The following HEATR5A variants were observed in gnomAD, a reference collection of about 807,000 sequenced individuals.
The protein encoded by HEATR5A is HEAT repeat-containing protein 5A.
HEATR5A carries 178 observed loss-of-function variants against 218.8 expected under a neutral mutation model. The observed-to-expected ratio is 0.81, with a 90% CI of 0.72 to 0.92. HEATR5A has a LOEUF of 0.92. HEATR5A is among the 40% of genes least tolerant of loss of function. The pLI is 0.00. For synonymous variants in HEATR5A, 864 were observed against 871.6 expected, an observed-to-expected ratio of 0.99 and a Z score of 0.15; for missense variants, 2,420 against 2,418.9, an observed-to-expected ratio of 1.00 and a Z score of -0.01.
chr14:31,313,132 G>T lies in HEATR5A; in HGVS notation c.4277C>A (p.Thr1426Asn), dbSNP rs1461661982. The T allele has an allele frequency of 6.2e-7, 1 of 1,613,826 alleles. No homozygotes were observed. Among genetic ancestry groups the T allele is most frequent in the East Asian group, 2.2e-5 (1 of 44,874 alleles). ...ATTTCTGATACCGTCTTCTAAACAG[G>T]TGGTAGTCTTCAAAGGTTGTCTGTG... ...KNHRQPLKTT[T>N]CLEDGIRNGS... Residue 1426 changes from threonine to asparagine, a missense_variant, in exon 28 of 36, where the codon ACC becomes AAC. Physicochemically the swap from Thr to Asn is moderately conservative, Grantham distance 65. Coordinates refer to ENST00000543095, the MANE Select transcript of HEATR5A (RefSeq NM_015473.4).
At chr14:31,368,220 T>C (rs1180822894) in intron 13 of HEATR5A, among the ~76,000 whole-genome samples, 1 of 151,952 alleles carries the variant, frequency 6.6e-6, no homozygotes, top group Non-Finnish European at 1.5e-5. Context: ...AGGCACAGAG[T>C]TCCTCCCCTC....
intron 22 of HEATR5A, among the ~76,000 whole-genome samples, chr14:31,333,576 C>A (rs969013950): frequency 2.0e-5 from 3 of 152,070 alleles, no homozygotes; most frequent in African/African-American, 7.2e-5. Flanking sequence ...TATGAAATAG[C>A]CTTCTACTGG....
chr14:31,293,532 T>C lies in HEATR5A; in HGVS notation c.5914A>G (p.Ile1972Val), dbSNP rs990170433. ...DENSLGSATS[I>V]MRNLHDFALQ... ...GCAAAGTCATGTAAATTTCTCATTA[T>C]GGAAGTTGCTGATCCCAGAGAATTT... is the stretch of plus-strand genomic sequence containing the variant. The change falls in exon 36 of 36, where the codon ATA (isoleucine) becomes GTA (valine). Residue 1972 changes from isoleucine (I) to valine (V), a missense_variant. Coordinates refer to ENST00000543095, the MANE Select transcript of HEATR5A (RefSeq NM_015473.4). 13 of 1,613,880 alleles carry C rather than the reference T, an allele frequency of 8.1e-6. No homozygotes were observed. The highest frequency in any genetic ancestry group is 1.1e-5 in the Non-Finnish European group (13 of 1,179,798).
intron 1 of HEATR5A, among the ~76,000 whole-genome samples, chr14:31,412,746 G>A (rs531872598): frequency 7.9e-5 from 12 of 152,154 alleles, no homozygotes; most frequent in East Asian, 7.7e-4. Flanking sequence ...GGTGGCAGGC[G>A]CCTGTAATCC....
At chr14:31,302,837 C>A in intron 32 of HEATR5A, 1 of 265,584 alleles carries the variant, frequency 3.8e-6, no homozygotes, top group Non-Finnish European at 7.1e-6. Context: ...AAAATATATA[C>A]AACATAAAGT....
In HEATR5A at chr14:31,323,656, A is replaced by G. The variant is rs1383087761; in HGVS notation, c.3696T>C (p.Cys1232=). ...CACATTGGTTAATTATCCTACAGAC[A>G]CATTCAGCAGCAAAGACTCTAGTAG... is the stretch of plus-strand genomic sequence containing the variant. ...RWATRVFAAE[C]VCRIINQCEN... Residue 1232 remains cysteine, a synonymous_variant, in exon 24 of 36, where the codon TGT becomes TGC. Transcript: ENST00000543095. 1 of 1,613,442 alleles carries G rather than the reference A, an allele frequency of 6.2e-7. No homozygotes were observed. Among genetic ancestry groups the G allele is most frequent in the Non-Finnish European group, 8.5e-7 (1 of 1,179,516 alleles).
intron 22 of HEATR5A, among the ~76,000 whole-genome samples, chr14:31,329,887 A>G (rs1900405036): frequency 6.6e-6 from 1 of 151,948 alleles, no homozygotes; most frequent in Admixed American, 6.6e-5. Flanking sequence ...TAATTTTTCT[A>G]TTTTTAGTAG....
chr14:31,343,835 T>G (rs2139205231), intron 21 of HEATR5A, 61 bp downstream of exon 21: 1 of 1,326,076 alleles, frequency 7.5e-7, no homozygotes. Flanking sequence ...AAATGTGTAC[T>G]GGAATAAATC....
At chr14:31,359,082 A>G in intron 14 of HEATR5A, 25 bp from the exon 15 acceptor site, 1 of 1,583,244 alleles carries the variant, frequency 6.3e-7, no homozygotes, top group Non-Finnish European at 8.5e-7. Flanking sequence ...AAAAAGAGCA[A>G]TTAGTACTAT....
chr14:31,292,062 A>G lies in HEATR5A; in HGVS notation c.*1243T>C, dbSNP rs1468742221. ...TGAAGTAGAAGGAGAATCAACAATC[A>G]TGAACACAGTTAAAAAATATTTTTC... On this transcript the variant is annotated 3_prime_UTR_variant, in exon 36 of 36. Transcript: ENST00000543095. The G allele has an allele frequency of 2.6e-5, 4 of 152,260 alleles. No homozygotes were observed. Among genetic ancestry groups the G allele is most frequent in the African/African-American group, 9.6e-5 (4 of 41,470 alleles). The allele number at this position is 152,260 out of a possible 1,614,324, so 9.4% of individuals were successfully genotyped here.
intron 34 of HEATR5A, among the ~76,000 whole-genome samples, chr14:31,294,639 G>A (rs997930257): frequency 3.9e-5 from 6 of 151,956 alleles, no homozygotes; most frequent in Admixed American, 1.3e-4. Context: ...TCGAACTCCT[G>A]ACCTCAAGTG....
chr14:31,381,078 C>A (rs1036078374), intron 10 of HEATR5A, among the ~76,000 whole-genome samples: 3 of 152,056 alleles, frequency 2.0e-5, no homozygotes, highest in African/African-American at 7.2e-5. Context: ...GAAACCCCAT[C>A]TCTACTAAAA....
At chr14:31,345,699 A>G (rs1035053364) in intron 19 of HEATR5A, among the ~76,000 whole-genome samples, 4 of 152,232 alleles carry the variant, frequency 2.6e-5, no homozygotes, top group African/African-American at 7.2e-5. Context: ...CCATTTACAT[A>G]AAGTATAGAA....
Position 31,345,078 on chromosome 14 carries a change from T to C in HEATR5A, c.3058+9A>G. 6.3e-7 allele frequency: 1 copy of C among 1,598,238 alleles called. No homozygotes were observed. The highest frequency in any genetic ancestry group is 8.5e-7 in the Non-Finnish European group (1 of 1,175,460). Reference sequence around the variant, plus strand: ...TAATGTAAAACATCACAAAAGCAGCTATGCACACCTTGTAGCTCTGGACCT... The same window carrying C: ...TAATGTAAAACATCACAAAAGCAGCCATGCACACCTTGTAGCTCTGGACCT... On this transcript the variant is annotated intron_variant, in intron 20 of 35. Transcript: ENST00000543095.
intron 1 of HEATR5A, among the ~76,000 whole-genome samples, chr14:31,408,801 G>A (rs936346128): frequency 6.6e-6 from 1 of 150,826 alleles, no homozygotes; most frequent in Non-Finnish European, 1.5e-5. Context: ...AATATTCTAG[G>A]GCCAGAGTTT....
chr14:31,394,289 T>G (rs1450301961), intron 5 of HEATR5A, 63 bp from the exon 6 acceptor site: 1 of 1,039,496 alleles, frequency 9.6e-7, no homozygotes, highest in Non-Finnish European at 1.3e-6. Flanking sequence ...TTCAGAGCTA[T>G]GTAAGTTGCA....
chr14:31,369,913 G>C (rs1223881456), intron 13 of HEATR5A, among the ~76,000 whole-genome samples: 1 of 135,828 alleles, frequency 7.4e-6, no homozygotes, highest in Non-Finnish European at 1.5e-5. Context: ...CAGCCTGGGT[G>C]ACAGTGTAAG....
At chr14:31,349,421 C>G in intron 18 of HEATR5A, among the ~76,000 whole-genome samples, 1 of 151,988 alleles carries the variant, frequency 6.6e-6, no homozygotes, top group East Asian at 1.9e-4. Flanking sequence ...TTTGTTTCCT[C>G]ATCTGCAGCC....
At chr14:31,385,807 A>G (rs2030194838) in intron 9 of HEATR5A, among the ~76,000 whole-genome samples, 1 of 152,070 alleles carries the variant, frequency 6.6e-6, no homozygotes, top group Admixed American at 6.6e-5. Flanking sequence ...GGCTCACTTC[A>G]ACTTCCACGT....
Sources: allele counts gnomAD v4.1 joint callset (sites outside exome capture counted in the v4.1 genomes callset), GRCh38; gene constraint gnomAD v4.1.1; transcripts MANE v1.5; gene names NCBI Gene and HGNC (gene_info 2026-07-23, HGNC 2026-07-21).